SLC9A9: variants seen among roughly 807,000 people sequenced by gnomAD.
SLC9A9 encodes the protein sodium/hydrogen exchanger 9.
SLC9A9 carries 62 observed loss-of-function variants against 77.8 expected under a neutral mutation model. That is an observed-to-expected ratio of 0.80 (90% CI 0.65 to 0.98). SLC9A9 has a LOEUF of 0.98. Among genes scored for constraint, SLC9A9 ranks in the 50% least tolerant of loss-of-function variants. The pLI, the probability that SLC9A9 is intolerant of heterozygous loss-of-function variation, is 0.00. For synonymous variants in SLC9A9, 320 were observed against 283.5 expected (o/e 1.13, Z -1.29); for missense variants, 775 against 774.9 (o/e 1.00, Z 0.00).
chr3:143,558,033 T>G (rs757024504), intron 8 of SLC9A9, among the ~76,000 whole-genome samples: 6 of 152,068 alleles, frequency 3.9e-5, no homozygotes, highest in Non-Finnish European at 8.8e-5. Flanking sequence ...AAAAAAATGG[T>G]TTAATGGGCC....
At position 143,637,398 on chromosome 3, in the gene SLC9A9, A is replaced by G. The variant is rs575567857; in HGVS notation, c.755+14857T>C. On this transcript the variant is annotated intron_variant, in intron 6 of 15. Coordinates refer to ENST00000316549, the MANE Select transcript of SLC9A9 (RefSeq NM_173653.4). ...CAGAAAAATTTCAAAGCTTGACTAC[A>G]TATCTTTTAAATTAACCCATTCAGA... 4.6e-5 allele frequency among the ~76,000 whole-genome samples: 7 copies of G among 152,376 alleles called. No individual in the cohort carries two copies. The South Asian group carries it at 1.4e-3, about 32-fold the overall frequency.
intron 13 of SLC9A9, among the ~76,000 whole-genome samples, chr3:143,368,220 G>A (rs1209490418): frequency 6.6e-6 from 1 of 152,142 alleles, no homozygotes. Flanking sequence ...TCTTTTAGGT[G>A]ATCCCCTAAT....
At chr3:143,809,880 A>G (rs1198473913) in intron 2 of SLC9A9, among the ~76,000 whole-genome samples, 1 of 152,222 alleles carries the variant, frequency 6.6e-6, no homozygotes, top group Non-Finnish European at 1.5e-5. Flanking sequence ...TAACACTGGT[A>G]GCTAGTGGCA....
At chr3:143,706,241 C>G (rs1458710170) in intron 4 of SLC9A9, among the ~76,000 whole-genome samples, 2 of 152,164 alleles carry the variant, frequency 1.3e-5, no homozygotes, top group Admixed American at 1.3e-4. Context: ...ATCCAGGGAA[C>G]CATCGCCATC....
In SLC9A9 at chr3:143,425,263, GC is replaced by G. The variant is rs1368669549; in HGVS notation, c.1469+41773del. On this transcript the variant is annotated intron_variant, in intron 12 of 15. Coordinates refer to ENST00000316549, the MANE Select transcript of SLC9A9 (RefSeq NM_173653.4). ...TTGATGTGGGGACCAATGAGGCTTA[GC>G]TTTTTTTTTTTTTTTTTTTTTTTAA... 4.3e-3 allele frequency among the ~76,000 whole-genome samples: 357 copies of G among 83,370 alleles called. 3 individuals carry two copies. Among genetic ancestry groups the G allele is most frequent in the African/African-American group, 0.016 (342 of 21,152 alleles). The allele number at this position is 83,370 out of a possible 152,430, so 54.7% of individuals were successfully genotyped here. A position where few individuals can be genotyped will look rare whatever the true frequency, so the allele number is the denominator to read the frequency against.
chr3:143,623,990 T>C (rs1223677323), intron 6 of SLC9A9, among the ~76,000 whole-genome samples: 1 of 152,162 alleles, frequency 6.6e-6, no homozygotes, highest in Non-Finnish European at 1.5e-5. Flanking sequence ...TAAACACCTC[T>C]ATGCAAATAA....
In SLC9A9 at chr3:143,266,345, C is replaced by A. The variant is rs1486760324; in HGVS notation, c.*357G>T. 3 of 556,228 alleles carry A rather than the reference C, an allele frequency of 5.4e-6. No homozygotes were observed. The highest frequency in any genetic ancestry group is 9.6e-6 in the Non-Finnish European group (3 of 312,590). The allele number at this position is 556,228 out of a possible 1,614,324, so 34.5% of individuals were successfully genotyped here. A position where few individuals can be genotyped will look rare whatever the true frequency, so the allele number is the denominator to read the frequency against. On this transcript the variant is annotated 3_prime_UTR_variant, in exon 16 of 16. Coordinates refer to ENST00000316549, the MANE Select transcript of SLC9A9 (RefSeq NM_173653.4). ...TCTCCTTAATGGAGGGAATAAAATC[C>A]AGAATAGAAGTGAAGGGCCTGGAGA...
At chr3:143,722,697 C>A (rs35031295) in intron 4 of SLC9A9, among the ~76,000 whole-genome samples, 23,491 of 151,926 alleles carry the variant, frequency 0.15, 2,000 homozygotes, top group African/African-American at 0.19. Context: ...TTTTCACTTA[C>A]CAATTCCTCC....
chr3:143,554,222 A>C (rs1484971256), intron 8 of SLC9A9, among the ~76,000 whole-genome samples: 1 of 152,192 alleles, frequency 6.6e-6, no homozygotes, highest in Non-Finnish European at 1.5e-5. Flanking sequence ...AGGGACTAAG[A>C]TTGTCTGAAT....
chr3:143,811,116 T>C (rs2108871859), intron 2 of SLC9A9, among the ~76,000 whole-genome samples: 1 of 152,144 alleles, frequency 6.6e-6, no homozygotes, highest in East Asian at 1.9e-4. Context: ...GGTAGCTTCC[T>C]GGGGTTTCAG....
At chr3:143,341,708 C>T (rs746104432) in intron 14 of SLC9A9, among the ~76,000 whole-genome samples, 5 of 152,232 alleles carry the variant, frequency 3.3e-5, no homozygotes, top group African/African-American at 4.8e-5. Flanking sequence ...AAATACAGAA[C>T]ACAGTGTTAT....
chr3:143,577,998 C>T (rs2037389830), intron 7 of SLC9A9, among the ~76,000 whole-genome samples: 1 of 152,142 alleles, frequency 6.6e-6, no homozygotes, highest in South Asian at 2.1e-4. Flanking sequence ...ATCTATCATC[C>T]CAACTTCCTA....
At chr3:143,412,425 C>A (rs2034112615) in intron 12 of SLC9A9, among the ~76,000 whole-genome samples, 1 of 152,186 alleles carries the variant, frequency 6.6e-6, no homozygotes, top group Non-Finnish European at 1.5e-5. Context: ...TACAGCACAG[C>A]ATCTGACCAC....
At chr3:143,370,053 A>G (rs914169292) in intron 13 of SLC9A9, among the ~76,000 whole-genome samples, 2 of 152,262 alleles carry the variant, frequency 1.3e-5, no homozygotes, top group African/African-American at 4.8e-5. Context: ...AAGACCTTGC[A>G]TCAGAAACAC....
intron 12 of SLC9A9, among the ~76,000 whole-genome samples, chr3:143,462,161 GT>G (rs1559926898): frequency 6.6e-6 from 1 of 152,164 alleles, no homozygotes; most frequent in Non-Finnish European, 1.5e-5. Flanking sequence ...GAGCTCAGGA[GT>G]TTGAGATCAG....
chr3:143,799,267 C>T (rs2008481509), intron 2 of SLC9A9, among the ~76,000 whole-genome samples: 1 of 152,150 alleles, frequency 6.6e-6, no homozygotes, highest in South Asian at 2.1e-4. Context: ...GCCAGAAGGC[C>T]ATCTTATTCT....
intron 1 of SLC9A9, among the ~76,000 whole-genome samples, chr3:143,837,758 A>G (rs2009605561): frequency 6.6e-6 from 1 of 152,114 alleles, no homozygotes; most frequent in Non-Finnish European, 1.5e-5. Flanking sequence ...ATTCCTGTCA[A>G]TAAGAAGTGA....
At chr3:143,666,267 T>C (rs531871374) in intron 5 of SLC9A9, among the ~76,000 whole-genome samples, 9 of 152,298 alleles carry the variant, frequency 5.9e-5, no homozygotes, top group African/African-American at 2.2e-4. Context: ...AGAAAAAGCC[T>C]TTGAAAAAAT....
chr3:143,449,726 A>ATT (rs2034945548), intron 12 of SLC9A9, among the ~76,000 whole-genome samples: 1 of 84,562 alleles, frequency 1.2e-5, no homozygotes, highest in Non-Finnish European at 2.0e-5. Flanking sequence ...ATATAATTAT[A>ATT]TAAAATAATT....
Sources: gnomAD v4.1 joint callset for allele counts (sites outside exome capture counted in the v4.1 genomes callset) on GRCh38, gnomAD v4.1.1 for gene constraint, MANE v1.5 for transcripts, NCBI Gene and HGNC (gene_info 2026-07-23, HGNC 2026-07-21) for gene names.